ATP2B2: variants seen among roughly 807,000 people sequenced by gnomAD.
ATP2B2 encodes plasma membrane calcium-transporting ATPase 2.
Under a neutral mutation model 120.0 loss-of-function variants are expected in ATP2B2, and 15 were observed. The ratio of observed to expected loss-of-function variants is 0.12; its 90% CI spans 0.08 to 0.19. The LOEUF is 0.19. Among genes scored for constraint, ATP2B2 ranks in the 10% least tolerant of loss-of-function variants. The pLI, the probability that ATP2B2 is intolerant of heterozygous loss-of-function variation, is 1.00. For synonymous variants in ATP2B2, 694 were observed against 700.3 expected (o/e 0.99, Z 0.14); for missense variants, 1,045 against 1,719.8 (o/e 0.61, Z 6.94).
At chr3:10,553,647 G>A (rs1165286971) in intron 2 of ATP2B2, among the ~76,000 whole-genome samples, 1 of 152,218 alleles carries the variant, frequency 6.6e-6, no homozygotes, top group Non-Finnish European at 1.5e-5. Flanking sequence ...GAGCTGGGGG[G>A]GAAACCCAGG....
intron 2 of ATP2B2, among the ~76,000 whole-genome samples, chr3:10,547,735 C>T (rs1336933567): frequency 2.0e-5 from 3 of 152,214 alleles, no homozygotes; most frequent in Non-Finnish European, 2.9e-5. Context: ...AGGGAGGCTG[C>T]AGGCATGGAC....
chr3:10,429,049 C>T (rs2063229096), intron 2 of ATP2B2, among the ~76,000 whole-genome samples: 1 of 152,216 alleles, frequency 6.6e-6, no homozygotes, highest in Admixed American at 6.5e-5. Flanking sequence ...CTCCTGTTGT[C>T]CAGCCCCATT....
At chr3:10,677,038 G>A (rs1225497731) in intron 1 of ATP2B2, among the ~76,000 whole-genome samples, 1 of 152,120 alleles carries the variant, frequency 6.6e-6, no homozygotes, top group Non-Finnish European at 1.5e-5. Context: ...CTTACCATGT[G>A]GTCCAGCAAT....
In ATP2B2 at chr3:10,340,842, G is replaced by T. The variant is rs1311513271; in HGVS notation, c.2918-138C>A. The T allele has an allele frequency of 7.1e-6, 6 of 841,964 alleles. No individual in the cohort carries two copies. The highest frequency in any genetic ancestry group is 1.7e-5 in the African/African-American group (1 of 59,474). 52.2% of individuals were successfully genotyped at this position (841,964 alleles called of 1,614,324 possible). On this transcript the variant is annotated intron_variant, in intron 19 of 22. Transcript: ENST00000360273. This position sits in a 1 kb window ranked among gnomAD's most constrained non-coding sequence, Gnocchi z 5.0. ...ATCAAGGCATGCTTGGACAGTGGGG[G>T]GCCAGGGCTGTGCTGTCAGCTGGTC... is the stretch of plus-strand genomic sequence containing the variant.
At chr3:10,356,277 C>T (rs1478443662) in intron 14 of ATP2B2, among the ~76,000 whole-genome samples, 1 of 151,966 alleles carries the variant, frequency 6.6e-6, no homozygotes, top group Non-Finnish European at 1.5e-5. Flanking sequence ...CACTGTCCCC[C>T]TTTGGGCTTC....
intron 3 of ATP2B2, among the ~76,000 whole-genome samples, chr3:10,520,960 G>A (rs1322073842): frequency 1.3e-5 from 2 of 152,198 alleles, no homozygotes; most frequent in Non-Finnish European, 2.9e-5. Context: ...TCCTCCCACA[G>A]TGTCAGGTGT....
chr3:10,513,458 G>T (rs1358404047), intron 3 of ATP2B2, among the ~76,000 whole-genome samples: 1 of 152,200 alleles, frequency 6.6e-6, no homozygotes, highest in African/African-American at 2.4e-5. Flanking sequence ...CCCTGGGAAG[G>T]GGGGCAGCTG....
At chr3:10,454,725 G>C (rs527256316) in intron 1 of ATP2B2, among the ~76,000 whole-genome samples, 19 of 152,302 alleles carry the variant, frequency 1.2e-4, no homozygotes, top group African/African-American at 4.3e-4. Context: ...TTCACAGATT[G>C]ACAGAACTGA....
chr3:10,550,297 C>T (rs2125510971), intron 2 of ATP2B2, among the ~76,000 whole-genome samples: 1 of 152,278 alleles, frequency 6.6e-6, no homozygotes, highest in East Asian at 1.9e-4. Flanking sequence ...AGAACAATTT[C>T]CTGAAGATCA....
intron 1 of ATP2B2, among the ~76,000 whole-genome samples, chr3:10,453,767 G>C (rs2064150806): frequency 6.6e-6 from 1 of 152,170 alleles, no homozygotes; most frequent in South Asian, 2.1e-4. Flanking sequence ...GATCACAACA[G>C]TAGGCATGAG....
chr3:10,592,625 A>G (rs78257487), intron 2 of ATP2B2, among the ~76,000 whole-genome samples: 2 of 152,222 alleles, frequency 1.3e-5, no homozygotes, highest in African/African-American at 2.4e-5. Flanking sequence ...TCTTGTAATC[A>G]TGAACATGAA....
intron 12 of ATP2B2, among the ~76,000 whole-genome samples, chr3:10,370,435 G>C (rs373199171): frequency 6.6e-6 from 1 of 152,202 alleles, no homozygotes; most frequent in Non-Finnish European, 1.5e-5. Context: ...ATTGGGTGGG[G>C]TGGGGGAAGA....
intron 1 of ATP2B2, among the ~76,000 whole-genome samples, chr3:10,707,631 G>A (rs1575637850): frequency 6.6e-6 from 1 of 152,102 alleles, no homozygotes; most frequent in Non-Finnish European, 1.5e-5. Flanking sequence ...CGCAGCAGGC[G>A]CAAGGCGCGC....
chr3:10,345,326 C>T, intron 18 of ATP2B2, 58 bp downstream of exon 18: 2 of 1,595,038 alleles, frequency 1.3e-6, no homozygotes, highest in South Asian at 2.2e-5. Flanking sequence ...GGCCCCCGAG[C>T]CTCTGTGGGG....
At chr3:10,455,099 C>T (rs1486941847) in intron 1 of ATP2B2, among the ~76,000 whole-genome samples, 3 of 152,208 alleles carry the variant, frequency 2.0e-5, no homozygotes, top group Non-Finnish European at 2.9e-5. Context: ...GGTCTACTGC[C>T]TGTGGAAGCT....
At chr3:10,614,307 A>G (rs1287661308) in intron 2 of ATP2B2, among the ~76,000 whole-genome samples, 1 of 152,058 alleles carries the variant, frequency 6.6e-6, no homozygotes, top group Non-Finnish European at 1.5e-5. Context: ...GCCAGCTGGA[A>G]GAGGTATCAT....
At chr3:10,583,550 A>G (rs560029887) in intron 2 of ATP2B2, among the ~76,000 whole-genome samples, 1 of 152,294 alleles carries the variant, frequency 6.6e-6, no homozygotes, top group East Asian at 1.9e-4. Context: ...CCCTGATTGC[A>G]TATTTCATTC....
rs73113616 is a variant in ATP2B2 at position 10,391,595 on chromosome 3, T to C, written c.782-3193A>G. On this transcript the variant is annotated intron_variant, in intron 5 of 22. Coordinates refer to ENST00000360273, the MANE Select transcript of ATP2B2 (RefSeq NM_001001331.4). ...GAGGCAGGGAGGTGGCAGGAGGACG[T>C]CAGGGAGGGGCTTAGGCATAGTGCG... Among the ~76,000 whole-genome samples the C allele has an allele frequency of 3.0e-3, 459 of 152,250 alleles. 4 individuals carry two copies. The highest frequency in any genetic ancestry group is 0.01 in the African/African-American group (435 of 41,562).
chr3:10,564,393 G>C (rs2067966320), intron 2 of ATP2B2, among the ~76,000 whole-genome samples: 1 of 152,074 alleles, frequency 6.6e-6, no homozygotes, highest in African/African-American at 2.4e-5. Context: ...CTCCAGCTAA[G>C]TCTGCTCCAC....
Sources: allele counts gnomAD v4.1 joint callset (sites outside exome capture counted in the v4.1 genomes callset), GRCh38; gene constraint gnomAD v4.1.1; non-coding constraint Gnocchi (gnomAD v3.1); transcripts MANE v1.5; gene names NCBI Gene and HGNC (gene_info 2026-07-23, HGNC 2026-07-21).